The following EMID1 variants were observed in gnomAD, a reference collection of about 807,000 sequenced individuals.
EMID1 encodes EMI domain-containing protein 1.
In EMID1, 40 loss-of-function variants were observed where a neutral mutation model predicts 60.6. That is an observed-to-expected ratio of 0.66 (90% confidence interval 0.51 to 0.86). The LOEUF is 0.86. Among genes scored for constraint, EMID1 ranks in the 40% least tolerant of loss-of-function variants. The probability of loss-of-function intolerance (pLI) is 0.00; values close to 1 mark genes in which losing one functional copy is unlikely to be tolerated. For missense variants in EMID1, 585 were observed against 597.1 expected (o/e 0.98, Z 0.21); for synonymous variants, 242 against 231.0 (o/e 1.05, Z -0.43).
intron 7 of EMID1, 98 bp from the exon 8 acceptor site, chr22:29,232,158 C>G (rs1297229624): frequency 6.8e-7 from 1 of 1,470,790 alleles, no homozygotes; most frequent in African/African-American, 1.4e-5. Context: ...GGCCCTCTCT[C>G]ATGCCCACTG....
At chr22:29,230,499 A>G (rs917291366) in intron 5 of EMID1, among the ~76,000 whole-genome samples, 2 of 152,240 alleles carry the variant, frequency 1.3e-5, no homozygotes, top group Admixed American at 6.5e-5. Flanking sequence ...GATGGCAATG[A>G]TGGTGTCAGT....
chr22:29,225,118 C>T lies in EMID1; in HGVS notation c.320-15C>T, dbSNP rs200678278. 102 of 1,613,170 alleles carry T rather than the reference C, an allele frequency of 6.3e-5. No homozygotes were observed. Among genetic ancestry groups the T allele is most frequent in the Non-Finnish European group, 7.9e-5 (93 of 1,179,670 alleles). ...GGATCACATGCCAGCAGGGCTCTCA[C>T]CCTCCATCCCTTAGTTGCAGCTTCC... On this transcript the variant is annotated splice_polypyrimidine_tract_variant and intron_variant, in intron 3 of 14. Transcript: ENST00000334018.
intron 5 of EMID1, among the ~76,000 whole-genome samples, chr22:29,227,238 A>G (rs1028854182): frequency 2.0e-5 from 3 of 152,036 alleles, no homozygotes; most frequent in Non-Finnish European, 4.4e-5. Context: ...CCATAGGTGA[A>G]CAATACCACA....
chr22:29,233,953 C>A, intron 10 of EMID1, 184 bp from the exon 11 acceptor site: 1 of 713,638 alleles, frequency 1.4e-6, no homozygotes, highest in Non-Finnish European at 2.3e-6. Flanking sequence ...GTGGGACTGT[C>A]TGACTCCAGG....
chr22:29,232,626 G>A (rs1003703), intron 8 of EMID1: 157,595 of 526,550 alleles, frequency 0.3, 25,884 homozygotes, highest in East Asian at 0.57. Context: ...CAGCCTGGGC[G>A]TAGGGGAACG....
intron 3 of EMID1, among the ~76,000 whole-genome samples, chr22:29,220,060 C>T (rs887326289): frequency 6.6e-6 from 1 of 152,172 alleles, no homozygotes; most frequent in Non-Finnish European, 1.5e-5. Context: ...ATCCTGCACG[C>T]CCAGCCAACA....
At chr22:29,229,707 C>T (rs943489496) in intron 5 of EMID1, among the ~76,000 whole-genome samples, 7 of 151,808 alleles carry the variant, frequency 4.6e-5, no homozygotes, top group East Asian at 3.9e-4. Context: ...TTCCAAATAG[C>T]GTGTGCTGGC....
In EMID1 at chr22:29,226,322, C is replaced by T. The variant is rs185385558; in HGVS notation, c.404-168C>T. 35 of 640,892 alleles carry T rather than the reference C, an allele frequency of 5.5e-5. No individual in the cohort carries two copies. In the East Asian group the frequency reaches 1.2e-3, roughly 22 times the overall value. The allele number at this position is 640,892 out of a possible 1,614,324, so 39.7% of individuals were successfully genotyped here. ...AAAAGGAACCCATAGGGTGAGGTCC[C>T]CCTGGACCCACTGTGATCCTATAGC... On this transcript the variant is annotated intron_variant, in intron 4 of 14. Coordinates refer to ENST00000334018, the MANE Select transcript of EMID1 (RefSeq NM_133455.4).
At chr22:29,222,938 A>G (rs895114838) in intron 3 of EMID1, among the ~76,000 whole-genome samples, 1 of 152,106 alleles carries the variant, frequency 6.6e-6, no homozygotes, top group Non-Finnish European at 1.5e-5. Flanking sequence ...AAAAATATCA[A>G]AAATTAGCTG....
At chr22:29,206,175 G>C in intron 1 of EMID1, 36 bp downstream of exon 1, 1 of 1,217,414 alleles carries the variant, frequency 8.2e-7, no homozygotes, top group South Asian at 4.2e-5. Flanking sequence ...CCCGCTGGCC[G>C]AGGGTCCCGG....
intron 14 of EMID1, chr22:29,254,508 G>T: frequency 1.8e-6 from 1 of 545,528 alleles, no homozygotes; most frequent in Non-Finnish European, 3.3e-6. Context: ...CCCTGCTGCT[G>T]TGGTCAGACC....
chr22:29,257,472 T>C (rs551182941), intron 14 of EMID1, among the ~76,000 whole-genome samples: 2 of 152,206 alleles, frequency 1.3e-5, no homozygotes, highest in African/African-American at 4.8e-5. Flanking sequence ...CTGTGACTGC[T>C]TCAGAGTCAC....
rs748172215 is a variant in EMID1, at chr22:29,250,733, A to ATTTTTTTTTT, written c.1120-3444_1120-3435dup. ...AGGCATGCACCACCACACCCGGCTA[A>ATTTTTTTTTT]TTTTTTTTTTTTTTTTTTTTTTTTT... is the stretch of plus-strand genomic sequence containing the variant. On this transcript the variant is annotated intron_variant, in intron 13 of 14. Coordinates refer to ENST00000334018, the MANE Select transcript of EMID1 (RefSeq NM_133455.4). 7.5e-3 allele frequency among the ~76,000 whole-genome samples: 168 copies of ATTTTTTTTTT among 22,486 alleles called. 28 individuals are homozygous for ATTTTTTTTTT. Among genetic ancestry groups the ATTTTTTTTTT allele is most frequent in the Non-Finnish European group, 0.012 (132 of 11,146 alleles). The allele number at this position is 22,486 out of a possible 152,430, so 14.8% of individuals were successfully genotyped here.
intron 1 of EMID1, among the ~76,000 whole-genome samples, chr22:29,211,270 A>G (rs766146612): frequency 6.6e-6 from 1 of 152,138 alleles, no homozygotes; most frequent in African/African-American, 2.4e-5. Context: ...ATCTGCAGGT[A>G]TGGACTTGTG....
chr22:29,222,623 C>T (rs1365134328), intron 3 of EMID1, among the ~76,000 whole-genome samples: 1 of 151,736 alleles, frequency 6.6e-6, no homozygotes, highest in Non-Finnish European at 1.5e-5. Context: ...AGGCCGGTCT[C>T]GGACTCCTGA....
chr22:29,255,583 A>T (rs1448929705), intron 14 of EMID1: 1 of 409,392 alleles, frequency 2.4e-6, no homozygotes, highest in African/African-American at 2.0e-5. Context: ...GACAGGCTCC[A>T]CAAGATAAGA....
intron 13 of EMID1, among the ~76,000 whole-genome samples, chr22:29,246,187 G>A (rs1361236548): frequency 3.3e-5 from 5 of 152,154 alleles, no homozygotes; most frequent in East Asian, 1.9e-4. Context: ...AGGGAGCCTC[G>A]GATATTTGAG....
Position 29,258,829 on chromosome 22 carries a change from G to A in EMID1, c.1217G>A (p.Gly406Glu), listed in dbSNP as rs1424999311. ...TMIGLYEPEL[G>E]SGAGPAGTGT... ...TTCCCTCCGGCAGAACCAGAGCTGG[G>A]GTCTGGGGCGGGCCCTGCCGGCACA... Residue 406 changes from glycine to glutamate, a missense_variant, in exon 15 of 15, where the codon GGG becomes GAG. Coordinates refer to ENST00000334018, the MANE Select transcript of EMID1 (RefSeq NM_133455.4). The A allele has an allele frequency of 6.2e-7, 1 of 1,613,192 alleles. No homozygotes were observed. Among genetic ancestry groups the A allele is most frequent in the Non-Finnish European group, 8.5e-7 (1 of 1,179,814 alleles).
At chr22:29,215,754 C>T in intron 3 of EMID1, 124 bp downstream of exon 3, 1 of 751,396 alleles carries the variant, frequency 1.3e-6, no homozygotes, top group Non-Finnish European at 2.2e-6. Context: ...GGGCCAGCTG[C>T]ACAGAGCCTG....
Sources: gnomAD v4.1 joint callset for allele counts (sites outside exome capture counted in the v4.1 genomes callset) on GRCh38, gnomAD v4.1.1 for gene constraint, MANE v1.5 for transcripts, NCBI Gene and HGNC (gene_info 2026-07-23, HGNC 2026-07-21) for gene names.